Variants in PCDH15 observed in about 807,000 individuals in gnomAD.
The protein encoded by PCDH15 is protocadherin related 15.
PCDH15 carries 129 observed loss-of-function variants against 178.5 expected under a neutral mutation model. The ratio of observed to expected loss-of-function variants is 0.72; its 90% CI spans 0.63 to 0.84. PCDH15 has a LOEUF of 0.84. Ranked by LOEUF, PCDH15 falls within the 40% of genes least tolerant of loss-of-function variation. The probability of loss-of-function intolerance (pLI) is 0.00; values close to 1 mark genes in which losing one functional copy is unlikely to be tolerated. For synonymous variants in PCDH15, 800 were observed against 732.0 expected (o/e 1.09, Z -1.50); for missense variants, 2,230 against 2,099.9 (o/e 1.06, Z -1.21).
intron 2 of PCDH15, among the ~76,000 whole-genome samples, chr10:55,340,772 A>G (rs1844533655): frequency 6.6e-6 from 1 of 152,068 alleles, no homozygotes; most frequent in African/African-American, 2.4e-5. Context: ...AGATTTTGTA[A>G]TATTTCAGCC....
At chr10:54,599,699 C>T (rs539056041) in intron 2 of PCDH15, 2 of 447,858 alleles carry the variant, frequency 4.5e-6, no homozygotes, top group East Asian at 5.9e-5. Context: ...AAAGCAACTG[C>T]ACCTGAAGTT....
chr10:55,348,741 A>C (rs143759910), intron 2 of PCDH15, among the ~76,000 whole-genome samples: 16 of 152,316 alleles, frequency 1.1e-4, no homozygotes, highest in South Asian at 4.1e-4. Flanking sequence ...GTGCTGAGAC[A>C]GGGTTTTTCT....
At chr10:54,028,262 G>A (rs1464686046) in intron 18 of PCDH15, among the ~76,000 whole-genome samples, 1 of 149,882 alleles carries the variant, frequency 6.7e-6, no homozygotes, top group East Asian at 2.0e-4. Context: ...CAGTTAGAAT[G>A]GCAATCATTA....
intron 2 of PCDH15, among the ~76,000 whole-genome samples, chr10:54,980,244 A>T (rs1839196725): frequency 6.6e-6 from 1 of 152,224 alleles, no homozygotes; most frequent in Non-Finnish European, 1.5e-5. Flanking sequence ...CAAAAGAAAG[A>T]TTAATGTGCT....
chr10:55,451,845 A>G (rs951706399), intron 2 of PCDH15, among the ~76,000 whole-genome samples: 2 of 152,200 alleles, frequency 1.3e-5, no homozygotes, highest in Non-Finnish European at 1.5e-5. Flanking sequence ...TGATTATCTG[A>G]TTGTTTCTAA....
chr10:54,037,275 A>G (rs1182562950), intron 18 of PCDH15, among the ~76,000 whole-genome samples: 1 of 151,990 alleles, frequency 6.6e-6, no homozygotes, highest in Non-Finnish European at 1.5e-5. Context: ...TTTAGCTACA[A>G]TGCTATCAAA....
intron 13 of PCDH15, among the ~76,000 whole-genome samples, chr10:54,163,406 GGAGA>G (rs57981979): frequency 2.4e-4 from 36 of 151,028 alleles, no homozygotes; most frequent in Admixed American, 6.6e-4. Context: ...CATGGCAGCA[GGAGA>G]GAGAGAGAGA....
At chr10:53,959,950 G>C (rs1224979518) in intron 22 of PCDH15, 106 bp from the exon 23 acceptor site, 1 of 876,622 alleles carries the variant, frequency 1.1e-6, no homozygotes, top group Non-Finnish European at 1.9e-6. Flanking sequence ...GGTTCCAGAA[G>C]GGGAAGCAAT....
chr10:55,518,132 T>A (rs10825537), intron 2 of PCDH15, among the ~76,000 whole-genome samples: 1 of 151,904 alleles, frequency 6.6e-6, no homozygotes, highest in Non-Finnish European at 1.5e-5. Context: ...TCACATAGAA[T>A]AACTCTCTTC....
chr10:54,359,006 T>G (rs933939784), intron 5 of PCDH15, among the ~76,000 whole-genome samples: 8 of 106,968 alleles, frequency 7.5e-5, no homozygotes, highest in Non-Finnish European at 1.3e-4. Flanking sequence ...CTCTGGGGAC[T>G]GTTGTGGGGT....
intron 2 of PCDH15, among the ~76,000 whole-genome samples, chr10:55,424,292 G>A (rs1023272447): frequency 3.9e-5 from 6 of 152,114 alleles, no homozygotes; most frequent in African/African-American, 1.4e-4. Context: ...ATTGTAGTGT[G>A]TGCCCTGGTG....
intron 2 of PCDH15, among the ~76,000 whole-genome samples, chr10:54,582,564 T>C (rs897014028): frequency 6.6e-6 from 1 of 152,146 alleles, no homozygotes; most frequent in African/African-American, 2.4e-5. Context: ...ATTTTCTTTT[T>C]AAACAATACA....
At chr10:55,028,493 A>G (rs1049666562) in intron 2 of PCDH15, among the ~76,000 whole-genome samples, 2 of 152,138 alleles carry the variant, frequency 1.3e-5, no homozygotes, top group Non-Finnish European at 2.9e-5. Flanking sequence ...ACAAATTTTG[A>G]GAATTTGGAA....
chr10:54,363,571 T>G (rs1165161758), intron 5 of PCDH15, among the ~76,000 whole-genome samples: 1 of 152,184 alleles, frequency 6.6e-6, no homozygotes, highest in Non-Finnish European at 1.5e-5. Context: ...GAAGAATCTT[T>G]CTCAACATGA....
intron 8 of PCDH15, among the ~76,000 whole-genome samples, chr10:54,240,005 T>C (rs964510889): frequency 2.0e-5 from 3 of 152,170 alleles, no homozygotes; most frequent in African/African-American, 7.2e-5. Context: ...ATATTTAACA[T>C]ATTTTATAAA....
chr10:54,703,407 A>C (rs2095333106), intron 1 of PCDH15, among the ~76,000 whole-genome samples: 1 of 152,012 alleles, frequency 6.6e-6, no homozygotes, highest in Non-Finnish European at 1.5e-5. Flanking sequence ...AAAAAATAAA[A>C]ATATACAAAT....
At chr10:53,855,108 G>C (rs1332588903) in intron 28 of PCDH15, among the ~76,000 whole-genome samples, 2 of 152,000 alleles carry the variant, frequency 1.3e-5, no homozygotes, top group Non-Finnish European at 2.9e-5. Flanking sequence ...TCAATAAAAT[G>C]TATCAAGTGT....
intron 3 of PCDH15, among the ~76,000 whole-genome samples, chr10:54,841,868 T>C (rs1397834136): frequency 2.6e-5 from 4 of 151,888 alleles, no homozygotes; most frequent in Admixed American, 6.6e-5. Context: ...ACTCTCTTAT[T>C]CTTCCTGCAT....
At chr10:55,424,715 G>GA in intron 2 of PCDH15, among the ~76,000 whole-genome samples, 1 of 152,002 alleles carries the variant, frequency 6.6e-6, no homozygotes, top group South Asian at 2.1e-4. Context: ...TCTTATATGA[G>GA]AAAAAATGCT....
Sources: allele counts gnomAD v4.1 joint callset (sites outside exome capture counted in the v4.1 genomes callset), GRCh38; gene constraint gnomAD v4.1.1; transcripts MANE v1.5; gene names NCBI Gene and HGNC (gene_info 2026-07-23, HGNC 2026-07-21).